SSH2: variants seen among roughly 807,000 people sequenced by gnomAD.
SSH2 encodes the protein slingshot protein phosphatase 2.
In SSH2, 37 loss-of-function variants were observed where a neutral mutation model predicts 135.2. The ratio of observed to expected loss-of-function variants is 0.27; its 90% CI spans 0.21 to 0.36. SSH2 has a LOEUF of 0.36. Ranked by LOEUF, SSH2 falls within the 10% of genes least tolerant of loss-of-function variation. The pLI is 1.00. For missense variants in SSH2, 1,408 were observed against 1,765.3 expected (o/e 0.80, Z 3.63); for synonymous variants, 628 against 646.2 (o/e 0.97, Z 0.43).
intron 2 of SSH2, among the ~76,000 whole-genome samples, chr17:29,798,446 C>T (rs552836745): frequency 1.4e-4 from 22 of 152,190 alleles, no homozygotes; most frequent in East Asian, 1.2e-3. Context: ...TGTGAGCCAC[C>T]GTGCCCAGCT....
Position 29,677,015 on chromosome 17 carries a change from A to G in SSH2, c.549-130T>C, listed in dbSNP as rs1462950511. The G allele has an allele frequency of 4.1e-6, 3 of 726,292 alleles. No individual in the cohort carries two copies. In the East Asian group the frequency reaches 7.9e-5, roughly 19 times the overall value. 45.0% of individuals were successfully genotyped at this position (726,292 alleles called of 1,614,324 possible). A position where few individuals can be genotyped will look rare whatever the true frequency, so the allele number is the denominator to read the frequency against. On this transcript the variant is annotated intron_variant, in intron 7 of 15. Coordinates refer to ENST00000540801, the MANE Select transcript of SSH2 (RefSeq NM_001282129.2). Reference sequence around the variant, plus strand: ...GAGGGAATCATCAGGCATTTCACGTAGAAGTTTTAACTAGAGTGTAAGACT... The same window carrying G: ...GAGGGAATCATCAGGCATTTCACGTGGAAGTTTTAACTAGAGTGTAAGACT...
chr17:29,853,385 T>TA (rs1251232151), intron 1 of SSH2, among the ~76,000 whole-genome samples: 2 of 151,634 alleles, frequency 1.3e-5, no homozygotes, highest in Non-Finnish European at 2.9e-5. Context: ...GCGCGCGGCC[T>TA]AGGTGGGCTT....
chr17:29,841,851 C>T (rs1369001690), intron 2 of SSH2, among the ~76,000 whole-genome samples: 1 of 151,326 alleles, frequency 6.6e-6, no homozygotes, highest in Admixed American at 6.6e-5. Flanking sequence ...CTCTGCTTCC[C>T]GAGTAGCTGG....
chr17:29,736,832 G>A (rs569732894), intron 3 of SSH2, among the ~76,000 whole-genome samples: 3 of 136,524 alleles, frequency 2.2e-5, no homozygotes, highest in East Asian at 4.3e-4. Flanking sequence ...GGGCATGGTG[G>A]CTCACGCCTG....
chr17:29,640,852 C>T (rs911879427), intron 14 of SSH2: 6 of 152,066 alleles, frequency 3.9e-5, no homozygotes, highest in African/African-American at 1.4e-4. Context: ...GTTCCTAATA[C>T]TGCTTTGTTT....
chr17:29,851,170 AT>A (rs969663973), intron 1 of SSH2, among the ~76,000 whole-genome samples: 29 of 152,326 alleles, frequency 1.9e-4, no homozygotes, highest in Admixed American at 1.4e-3. Context: ...AGGCTTAATA[AT>A]AAATATTTGA....
intron 14 of SSH2, among the ~76,000 whole-genome samples, chr17:29,647,049 C>G (rs189175936): frequency 6.6e-6 from 1 of 150,958 alleles, no homozygotes; most frequent in East Asian, 2.0e-4. Flanking sequence ...CCGAGGCGAG[C>G]GGATCACAAG....
intron 1 of SSH2, among the ~76,000 whole-genome samples, chr17:29,914,356 T>C (rs1254335452): frequency 1.3e-5 from 2 of 151,874 alleles, no homozygotes; most frequent in East Asian, 1.9e-4. Context: ...AGCCAGGAGT[T>C]TGAGACCAAC....
chr17:29,884,458 T>C (rs749241170), intron 1 of SSH2, among the ~76,000 whole-genome samples: 7 of 152,334 alleles, frequency 4.6e-5, no homozygotes, highest in Admixed American at 1.3e-4. Context: ...GGGCATTCCT[T>C]GAGTGATGTC....
chr17:29,927,625 A>G (rs2067091345), intron 1 of SSH2, among the ~76,000 whole-genome samples: 1 of 152,238 alleles, frequency 6.6e-6, no homozygotes, highest in Non-Finnish European at 1.5e-5. Context: ...AAGAGATAGA[A>G]CAGCAAAATA....
intron 5 of SSH2, among the ~76,000 whole-genome samples, chr17:29,691,096 GA>G (rs150201804): frequency 0.021 from 3,164 of 149,516 alleles, 108 homozygotes; most frequent in African/African-American, 0.071. Context: ...TTGTTTGGGA[GA>G]AAAAAAAACC....
At chr17:29,710,998 T>G (rs557762410) in intron 3 of SSH2, among the ~76,000 whole-genome samples, 14 of 152,280 alleles carry the variant, frequency 9.2e-5, no homozygotes, top group Admixed American at 9.2e-4. Flanking sequence ...TGGAACCCTC[T>G]CCCTGAGGGC....
At chr17:29,723,358 C>T (rs910630636) in intron 3 of SSH2, among the ~76,000 whole-genome samples, 1 of 152,180 alleles carries the variant, frequency 6.6e-6, no homozygotes, top group African/African-American at 2.4e-5. Context: ...AATGAATACT[C>T]CTAGGCCTAT....
chr17:29,845,393 AG>A (rs569471046), intron 2 of SSH2, among the ~76,000 whole-genome samples: 78 of 152,258 alleles, frequency 5.1e-4, no homozygotes, highest in African/African-American at 1.8e-3. Flanking sequence ...AAGTGAGAAA[AG>A]GGGGAAAAAA....
chr17:29,896,683 C>G (rs2066451225), intron 1 of SSH2, among the ~76,000 whole-genome samples: 1 of 151,362 alleles, frequency 6.6e-6, no homozygotes, highest in African/African-American at 2.4e-5. Flanking sequence ...ATATTCTAAT[C>G]CTATCCTTTA....
At chr17:29,801,414 C>A (rs1295434474) in intron 2 of SSH2, among the ~76,000 whole-genome samples, 1 of 152,134 alleles carries the variant, frequency 6.6e-6, no homozygotes, top group Non-Finnish European at 1.5e-5. Context: ...CAATCCAAGT[C>A]ATCTCATTTA....
At position 29,858,226 on chromosome 17, in the gene SSH2, T is replaced by C. The variant is rs191620434; in HGVS notation, c.64-9297A>G. ...CCTCCTACTAATAGATTCAAGTTACTTACAATTAAACTCATTTTCTAATAT... is the reference window on the plus strand; with the variant it reads ...CCTCCTACTAATAGATTCAAGTTACCTACAATTAAACTCATTTTCTAATAT... On this transcript the variant is annotated intron_variant, in intron 1 of 15. Coordinates refer to ENST00000540801, the MANE Select transcript of SSH2 (RefSeq NM_001282129.2). Among the ~76,000 whole-genome samples the C allele has an allele frequency of 2.5e-3, 381 of 152,336 alleles. 1 individual carries two copies. Among genetic ancestry groups the C allele is most frequent in the Non-Finnish European group, 4.6e-3 (310 of 68,034 alleles).
rs144406118 is a variant in SSH2 at position 29,855,672 on chromosome 17, T to C, written c.64-6743A>G. The C allele has an allele frequency of 7.3e-3, 1,134 of 154,900 alleles. 11 individuals carry two copies. Among genetic ancestry groups the C allele is most frequent in the African/African-American group, 0.022 (928 of 41,564 alleles). The allele number at this position is 154,900 out of a possible 1,614,324, so 9.6% of individuals were successfully genotyped here. A position where few individuals can be genotyped will look rare whatever the true frequency, so the allele number is the denominator to read the frequency against. ...AAGCAATTTCATAGTCTGTGTCTGA[T>C]CCAACTAAGGAAATTCTCTAAAGTC... is the stretch of plus-strand genomic sequence containing the variant. On this transcript the variant is annotated intron_variant, in intron 1 of 15. Coordinates refer to ENST00000540801, the MANE Select transcript of SSH2 (RefSeq NM_001282129.2).
At chr17:29,652,400 T>G (rs2036613483) in intron 12 of SSH2, among the ~76,000 whole-genome samples, 1 of 151,826 alleles carries the variant, frequency 6.6e-6, no homozygotes, top group Non-Finnish European at 1.5e-5. Flanking sequence ...AGAAGAAAAA[T>G]GGAGGTGATT....
Sources: allele counts gnomAD v4.1 joint callset (sites outside exome capture counted in the v4.1 genomes callset), GRCh38; gene constraint gnomAD v4.1.1; transcripts MANE v1.5; gene names NCBI Gene and HGNC (gene_info 2026-07-23, HGNC 2026-07-21).